The following ZNFX1 variants were observed in gnomAD, a reference collection of about 807,000 sequenced individuals.
The protein encoded by ZNFX1 is NFX1-type zinc finger-containing protein 1.
In ZNFX1, 78 loss-of-function variants were observed where a neutral mutation model predicts 179.8. The observed-to-expected ratio is 0.43, with a 90% confidence interval of 0.36 to 0.52. ZNFX1 has a LOEUF of 0.52. ZNFX1 is among the 20% of genes least tolerant of loss of function. The probability of loss-of-function intolerance (pLI) is 0.00; values close to 1 mark genes in which losing one functional copy is unlikely to be tolerated. For synonymous variants in ZNFX1, 848 were observed against 868.5 expected (o/e 0.98, Z 0.42); for missense variants, 1,927 against 2,386.6 (o/e 0.81, Z 4.01).
intron 3 of ZNFX1, among the ~76,000 whole-genome samples, chr20:49,268,389 AC>A (rs1457098275): frequency 1.3e-5 from 2 of 152,194 alleles, no homozygotes; most frequent in African/African-American, 4.8e-5. Context: ...TGTATCTATT[AC>A]TATGCATGAC....
rs770549003 is a variant in ZNFX1 at position 49,247,412 on chromosome 20, T to C, written c.5612A>G (p.Asp1871Gly). ...GGAMERGTCP[D>G]CKEVIGGTNH... ...TGTGCCACCAATCACTTCCTTACAGTCAGGACACGTGCCCCTCTCCATGGC... is the reference window on the plus strand; with the variant it reads ...TGTGCCACCAATCACTTCCTTACAGCCAGGACACGTGCCCCTCTCCATGGC... The change falls in exon 14 of 14, where the codon GAC becomes GGC. Residue 1871 changes from aspartate to glycine, a missense_variant. Transcript: ENST00000396105. The C allele has an allele frequency of 1.2e-6, 2 of 1,614,174 alleles. No individual in the cohort carries two copies. Among genetic ancestry groups the C allele is most frequent in the Non-Finnish European group, 1.7e-6 (2 of 1,180,034 alleles).
rs1399293920 is a variant in ZNFX1 at position 49,257,501 on chromosome 20, C to A, written c.2580G>T (p.Leu860Phe). 1 of 1,613,866 alleles carries A rather than the reference C, an allele frequency of 6.2e-7. No individual in the cohort carries two copies. The highest frequency in any genetic ancestry group is 8.5e-7 in the Non-Finnish European group (1 of 1,179,998). ...KKEESGADQE[L>F]AKMLLAMRLD... ...GCCTCATGGCCAGAAGCATTTTAGC[C>A]AACTCCTGGTCTGCTCCACTCTCTT... The change falls in exon 8 of 14, where the codon TTG becomes TTT. Residue 860 changes from leucine (L) to phenylalanine (F), a missense_variant. By Grantham distance (22) the Leu-to-Phe change is conservative. Coordinates refer to ENST00000396105, the MANE Select transcript of ZNFX1 (RefSeq NM_021035.3).
intron 2 of ZNFX1, among the ~76,000 whole-genome samples, chr20:49,274,656 G>A (rs6019722): frequency 0.089 from 13,572 of 152,190 alleles, 740 homozygotes; most frequent in African/African-American, 0.16. Context: ...CTACTTGGGA[G>A]GCTGAGGCAG....
At chr20:49,266,728 T>G (rs1981243543) in intron 3 of ZNFX1, among the ~76,000 whole-genome samples, 1 of 149,138 alleles carries the variant, frequency 6.7e-6, no homozygotes, top group South Asian at 2.2e-4. Flanking sequence ...CTATTGATGC[T>G]GTATATATTG....
intron 2 of ZNFX1, among the ~76,000 whole-genome samples, chr20:49,273,810 G>C (rs58969602): frequency 0.089 from 13,583 of 152,156 alleles, 745 homozygotes; most frequent in African/African-American, 0.16. Context: ...CACGCTTGTG[G>C]TCCCAGCTAC....
rs1254302616 is a variant in ZNFX1 at position 49,270,320 on chromosome 20, G to C, written c.1492C>G (p.Gln498Glu). ...EQSQQLLAEV[Q>E]PSDSFLMVET... ...ACCATGAGGAAAGAGTCAGAGGGCT[G>C]GACCTCTGCTAGCAGCTGTTGGCTT... Residue 498 changes from glutamine (Q) to glutamate (E), a missense_variant, in exon 3 of 14, where the codon CAG becomes GAG. Transcript: ENST00000396105. The surrounding 1 kb of genome is among the most constrained non-coding windows in gnomAD (Gnocchi z 4.6). The C allele has an allele frequency of 3.7e-6, 6 of 1,614,126 alleles. No homozygotes were observed. Among genetic ancestry groups the C allele is most frequent in the Middle Eastern group, 1.7e-4 (1 of 6,060 alleles).
Position 49,250,870 on chromosome 20 carries a change from C to T in ZNFX1, c.3312+657G>A, listed in dbSNP as rs1980820004. ...CCCAGCCAGGCACATGCCACCGCAC[C>T]CAGCTAATTTTTGTATTTTTAGTAG... On this transcript the variant is annotated intron_variant, in intron 13 of 13. Transcript: ENST00000396105. 2.0e-5 allele frequency among the ~76,000 whole-genome samples: 3 copies of T among 152,108 alleles called. No individual in the cohort carries two copies. In the South Asian group the frequency reaches 6.2e-4, roughly 32 times the overall value.
intron 12 of ZNFX1, among the ~76,000 whole-genome samples, chr20:49,251,834 TTTTC>T (rs1243513212): frequency 1.0e-4 from 13 of 124,778 alleles, no homozygotes; most frequent in Non-Finnish European, 1.8e-4. Context: ...TCATCTCTAT[TTTTC>T]TTTCTTTTTT....
intron 4 of ZNFX1, among the ~76,000 whole-genome samples, chr20:49,265,144 T>C (rs540331761): frequency 1.3e-5 from 2 of 152,362 alleles, no homozygotes; most frequent in South Asian, 4.1e-4. Flanking sequence ...GCAAGTGACT[T>C]GAGTCTCAGT....
At chr20:49,275,934 G>T in intron 1 of ZNFX1, 47 bp from the exon 2 acceptor site, 1 of 1,298,634 alleles carries the variant, frequency 7.7e-7, no homozygotes, top group Non-Finnish European at 1.1e-6. Flanking sequence ...GCATCTAGCA[G>T]CAAAAACCCA....
At chr20:49,277,255 G>T (rs1981593258) in intron 1 of ZNFX1, among the ~76,000 whole-genome samples, 1 of 152,154 alleles carries the variant, frequency 6.6e-6, no homozygotes, top group Non-Finnish European at 1.5e-5. Context: ...GAAGTCTCCA[G>T]GGTCCTGGGG....
intron 1 of ZNFX1, among the ~76,000 whole-genome samples, chr20:49,276,846 G>C (rs930707351): frequency 1.3e-5 from 2 of 152,206 alleles, no homozygotes; most frequent in Non-Finnish European, 2.9e-5. Flanking sequence ...TCTCTGGTGA[G>C]TCCCCTCCCT....
At position 49,270,880 on chromosome 20, in the gene ZNFX1, T is replaced by C. The variant is rs1485632201; in HGVS notation, c.932A>G (p.Glu311Gly). Residue 311 changes from glutamate (E) to glycine (G), a missense_variant, in exon 3 of 14, where the codon GAG becomes GGG. Transcript: ENST00000396105. The surrounding 1 kb of genome is among the most constrained non-coding windows in gnomAD (Gnocchi z 4.6). ...IIEHLQEKRR[E>G]GTLRVDTYTL... ...GTAGGTATCCACTCTCAAAGTGCCCTCTCGCCTCTTTTCCTGCAGATGTTC... is the reference window on the plus strand; with the variant it reads ...GTAGGTATCCACTCTCAAAGTGCCCCCTCGCCTCTTTTCCTGCAGATGTTC... 2.5e-6 allele frequency: 4 copies of C among 1,614,024 alleles called. No homozygotes were observed. The highest frequency in any genetic ancestry group is 3.4e-6 in the Non-Finnish European group (4 of 1,180,036).
chr20:49,257,367 A>C (rs1416721802), intron 8 of ZNFX1, 50 bp downstream of exon 8: 1 of 1,602,604 alleles, frequency 6.2e-7, no homozygotes, highest in South Asian at 1.1e-5. Flanking sequence ...GGGGAAAACA[A>C]GCGGTCAGAA....
Position 49,260,553 on chromosome 20 carries a change from G to A in ZNFX1, c.2326C>T (p.His776Tyr). Residue 776 changes from histidine (H) to tyrosine (Y), a missense_variant, in exon 7 of 14, where the codon CAC becomes TAC. Transcript: ENST00000396105. ...TCCAGCATCATGGAATGCTTCCAGT[G>A]CTGGAAGCAAATCCATTCACTATCC... The part of the protein sequence containing the change: ...VQDSEWICFQ[H>Y]WKHSMMLEWL... 1.2e-6 allele frequency: 2 copies of A among 1,610,790 alleles called. No homozygotes were observed. The highest frequency in any genetic ancestry group is 2.2e-5 in the South Asian group (2 of 90,498).
In ZNFX1 at chr20:49,247,790, C is replaced by T. The variant is rs763819579; in HGVS notation, c.5234G>A (p.Arg1745His). Residue 1745 changes from arginine to histidine, a missense_variant, in exon 14 of 14, where the codon CGC (arginine) becomes CAC (histidine). By Grantham distance (29) the Arg-to-His change is conservative (BLOSUM62 0). Transcript: ENST00000396105. ...EQVHEWLAKK[R>H]LSFTSQELSD... is the part of the protein sequence containing the mutation. ...TAGTTCCTGGCTAGTGAAGCTCAAG[C>T]GCTTCTTGGCCAGCCACTCATGGAC... 9.3e-6 allele frequency: 15 copies of T among 1,614,066 alleles called. No individual in the cohort carries two copies. Among genetic ancestry groups the T allele is most frequent in the Admixed American group, 5.0e-5 (3 of 60,018 alleles).
At chr20:49,259,270 A>G (rs1252111398) in intron 7 of ZNFX1, among the ~76,000 whole-genome samples, 1 of 152,160 alleles carries the variant, frequency 6.6e-6, no homozygotes, top group Non-Finnish European at 1.5e-5. Context: ...AGTACCTTCC[A>G]CCCAATTTAA....
chr20:49,254,353 C>T (rs1302612575), intron 10 of ZNFX1, 142 bp downstream of exon 10: 1 of 1,158,310 alleles, frequency 8.6e-7, no homozygotes, highest in Admixed American at 2.3e-5. Context: ...ACCAAGAGTT[C>T]TCAAAATATG....
At chr20:49,262,226 C>T (rs781622893) in intron 6 of ZNFX1, among the ~76,000 whole-genome samples, 2 of 151,302 alleles carry the variant, frequency 1.3e-5, no homozygotes, top group African/African-American at 2.4e-5. Flanking sequence ...ACCAGCCTGG[C>T]GAATGTGGTG....
Sources: gnomAD v4.1 joint callset for allele counts (sites outside exome capture counted in the v4.1 genomes callset) on GRCh38, gnomAD v4.1.1 for gene constraint, Gnocchi (gnomAD v3.1) non-coding constraint, MANE v1.5 for transcripts, NCBI Gene and HGNC (gene_info 2026-07-23, HGNC 2026-07-21) for gene names.